APEH: variants seen among roughly 807,000 people sequenced by gnomAD.
The protein encoded by APEH is acylaminoacyl-peptide hydrolase.
APEH carries 75 observed loss-of-function variants against 102.7 expected under a neutral mutation model. The ratio of observed to expected loss-of-function variants is 0.73; its 90% CI spans 0.61 to 0.89. The LOEUF is 0.89. Ranked by LOEUF, APEH falls within the 40% of genes least tolerant of loss-of-function variation. The probability of loss-of-function intolerance (pLI) is 0.00; values close to 1 mark genes in which losing one functional copy is unlikely to be tolerated. For missense variants in APEH, 863 were observed against 941.2 expected (o/e 0.92, Z 1.09); for synonymous variants, 344 against 362.7 (o/e 0.95, Z 0.59).
At chr3:49,678,997 C>A in intron 12 of APEH, 48 bp downstream of exon 12, 1 of 1,525,388 alleles carries the variant, frequency 6.6e-7, no homozygotes, top group East Asian at 2.3e-5. Flanking sequence ...GGTCAACCCC[C>A]AGGAGCCCTG....
Position 49,676,889 on chromosome 3 carries a change from T to A in APEH, c.878-14T>A. 1 of 1,614,236 alleles carries A rather than the reference T, an allele frequency of 6.2e-7. No individual in the cohort carries two copies. Among genetic ancestry groups the A allele is most frequent in the Non-Finnish European group, 8.5e-7 (1 of 1,180,046 alleles). ...TGCCAGCCTGCGTGATGCTCATGTT[T>A]CCATCTGGCCCAGAGCTCCTCTCGG... On this transcript the variant is annotated splice_polypyrimidine_tract_variant and intron_variant, in intron 9 of 21. Transcript: ENST00000296456.
At chr3:49,681,359 G>A in intron 15 of APEH, 120 bp downstream of exon 15, 2 of 1,207,948 alleles carry the variant, frequency 1.7e-6, no homozygotes, top group South Asian at 1.9e-5. Context: ...CCTCTAAGAG[G>A]TTTTCTGTTC....
chr3:49,682,041 A>C (rs1575480282), intron 17 of APEH, 74 bp downstream of exon 17: 2 of 1,480,940 alleles, frequency 1.4e-6, no homozygotes, highest in Non-Finnish European at 1.9e-6. Flanking sequence ...TTGTATAAGT[A>C]CCATGGGTGC....
rs538789352 is a variant in APEH at position 49,679,669 on chromosome 3, G to T, written c.1210+25G>T. The stretch of plus-strand genomic sequence containing the variant: ...GGTGAGCAAGGCTTTGGGGATGGGG[G>T]TAAGGGCAGGGCTGGTGAGCAAGCC... On this transcript the variant is annotated intron_variant, in intron 13 of 21. Transcript: ENST00000296456. The surrounding 1 kb of genome is among the most constrained non-coding windows in gnomAD (Gnocchi z 4.3). The T allele has an allele frequency of 7.4e-6, 12 of 1,612,022 alleles. No homozygotes were observed. In the South Asian group the frequency reaches 8.8e-5, roughly 12 times the overall value.
At position 49,683,408 on chromosome 3, in the gene APEH, C is replaced by T. The variant is rs2053447991; in HGVS notation, c.*66C>T. ...CTTCGCTCTTGAGGAGCTCAACGGT[C>T]TGGCAGGGCAGCAGGAGGCTTTCTG... On this transcript the variant is annotated 3_prime_UTR_variant, in exon 22 of 22. Transcript: ENST00000296456. The T allele has an allele frequency of 3.5e-6, 5 of 1,426,894 alleles. No homozygotes were observed. The highest frequency in any genetic ancestry group is 4.9e-6 in the Non-Finnish European group (5 of 1,011,514). The allele number at this position is 1,426,894 out of a possible 1,614,324, so 88.4% of individuals were successfully genotyped here.
intron 18 of APEH, 21 bp from the exon 19 acceptor site, chr3:49,682,525 A>G (rs1253757340): frequency 6.2e-7 from 1 of 1,613,784 alleles, no homozygotes; most frequent in Non-Finnish European, 8.5e-7. Flanking sequence ...TGGCTGCAGC[A>G]TGCTTTGTCC....
rs533054211 is a variant in APEH at position 49,681,167 on chromosome 3, G to A, written c.1366G>A (p.Glu456Lys). The A allele has an allele frequency of 6.8e-6, 11 of 1,610,824 alleles. No individual in the cohort carries two copies. The highest frequency in any genetic ancestry group is 5.3e-5 in the African/African-American group (4 of 74,892). Residue 456 changes from glutamate to lysine, a missense_variant, in exon 15 of 22, where the codon GAG becomes AAG. Glu to Lys is a moderately conservative substitution (Grantham distance 56). Coordinates refer to ENST00000296456, the MANE Select transcript of APEH (RefSeq NM_001640.4). ...SVLWVSLEEA[E>K]PIPDIHWGIR... ...GTTGTGGGTGTCCCTGGAGGAGGCC[G>A]AGCCCATTCCCGACATCCACTGGGG...
upstream of APEH, chr3:49,674,030 A>C (rs1575461056): frequency 2.8e-6 from 1 of 358,400 alleles, no homozygotes; most frequent in South Asian, 3.9e-5. Flanking sequence ...AGGCCCTTCT[A>C]CCCTCCCCGA....
chr3:49,683,201 C>T (rs373525729), intron 21 of APEH, 36 bp from the exon 22 acceptor site: 15 of 1,609,706 alleles, frequency 9.3e-6, no homozygotes, highest in Admixed American at 3.3e-5. Flanking sequence ...ACAGGAGGAC[C>T]CTCCAACCTT....
rs1206441190 is a variant in APEH, at chr3:49,681,433, G to C, written c.1438+194G>C. 2.0e-5 allele frequency among the ~76,000 whole-genome samples: 3 copies of C among 152,220 alleles called. No individual in the cohort carries two copies. In the East Asian group the frequency reaches 5.8e-4, roughly 29 times the overall value. ...TGAGCGCCTGCTCTGGATATCACCT[G>C]GGCTTCACCAGGCCAAATCATCTGT... On this transcript the variant is annotated intron_variant, in intron 15 of 21. Coordinates refer to ENST00000296456, the MANE Select transcript of APEH (RefSeq NM_001640.4).
intron 11 of APEH, among the ~76,000 whole-genome samples, chr3:49,678,639 C>T (rs192487082): frequency 6.6e-6 from 1 of 151,986 alleles, no homozygotes; most frequent in East Asian, 1.9e-4. Context: ...CTCTCTGGGT[C>T]CTCTCTGGGT....
In APEH at chr3:49,679,353, G is replaced by T. The variant is rs887575727; in HGVS notation, c.1159-240G>T. Among the ~76,000 whole-genome samples, 15 of 152,308 alleles carry T rather than the reference G, an allele frequency of 9.8e-5. No individual in the cohort carries two copies. The highest frequency in any genetic ancestry group is 3.4e-3 in the Middle Eastern group (1 of 294). The stretch of plus-strand genomic sequence containing the variant: ...TATTTGGTCCTTGTGCCAACTCAAA[G>T]GGGCTCAAAGCCATTCCTTACCTTG... On this transcript the variant is annotated intron_variant, in intron 12 of 21. Transcript: ENST00000296456. This position sits in a 1 kb window ranked among gnomAD's most constrained non-coding sequence, Gnocchi z 4.3.
intron 14 of APEH, 114 bp downstream of exon 14, chr3:49,680,743 C>A: frequency 2.1e-6 from 2 of 953,802 alleles, no homozygotes; most frequent in Non-Finnish European, 3.2e-6. Flanking sequence ...ACAGACGGGC[C>A]AAGACACAGG....
Position 49,674,601 on chromosome 3 carries a change from A to T in APEH, c.125A>T (p.Gln42Leu). The T allele has an allele frequency of 1.9e-6, 3 of 1,584,084 alleles. No individual in the cohort carries two copies. The highest frequency in any genetic ancestry group is 1.7e-6 in the Non-Finnish European group (2 of 1,174,562). The stretch of plus-strand genomic sequence containing the variant: ...GAGGTCACCACGCAGTACGGCGGCC[A>T]ATACCGGACGGTGCACACTGGTGTG... Reference protein sequence around the residue: ...GPEVTTQYGGQYRTVHTEWTQ... With the variant: ...GPEVTTQYGGLYRTVHTEWTQ... The change falls in exon 2 of 22, where the codon CAA (glutamine) becomes CTA (leucine). Residue 42 changes from glutamine to leucine, a missense_variant. Coordinates refer to ENST00000296456, the MANE Select transcript of APEH (RefSeq NM_001640.4).
chr3:49,681,071 CACCTATG>C (rs2053296272), intron 14 of APEH, 23 bp from the exon 15 acceptor site: 2 of 1,535,392 alleles, frequency 1.3e-6, no homozygotes, highest in Non-Finnish European at 1.8e-6. Flanking sequence ...GCAGCCAGGC[CACCTATG>C]ACACATTCTT....
chr3:49,676,235 C>T lies in APEH; in HGVS notation c.606+16C>T, dbSNP rs1245044042. 1 of 1,612,880 alleles carries T rather than the reference C, an allele frequency of 6.2e-7. No homozygotes were observed. Among genetic ancestry groups the T allele is most frequent in the Non-Finnish European group, 8.5e-7 (1 of 1,179,322 alleles). ...AGCCATCAAGGTGCTCGTGGTCAAT[C>T]CACGAAGGCCCGGCAGGGCAGCCCT... On this transcript the variant is annotated intron_variant, in intron 6 of 21. Transcript: ENST00000296456.
At chr3:49,682,294 G>T in intron 17 of APEH, 54 bp from the exon 18 acceptor site, 1 of 1,510,276 alleles carries the variant, frequency 6.6e-7, no homozygotes, top group East Asian at 2.3e-5. Context: ...AAAGAGCGTC[G>T]AGGGGGCTGG....
At chr3:49,682,196 G>T in intron 17 of APEH, 152 bp from the exon 18 acceptor site, 1 of 903,632 alleles carries the variant, frequency 1.1e-6, no homozygotes. Context: ...TCACTGGGTG[G>T]CAGCCTCAAA....
chr3:49,683,428 T>C lies in APEH; in HGVS notation c.*86T>C, dbSNP rs2053448478. Reference sequence around the variant, plus strand: ...ACGGTCTGGCAGGGCAGCAGGAGGCTTTCTGGGCTCTGGACTCCACGGATG... The same window carrying C: ...ACGGTCTGGCAGGGCAGCAGGAGGCCTTCTGGGCTCTGGACTCCACGGATG... On this transcript the variant is annotated 3_prime_UTR_variant, in exon 22 of 22. Transcript: ENST00000296456. 5 of 1,224,560 alleles carry C rather than the reference T, an allele frequency of 4.1e-6. No individual in the cohort carries two copies. In the East Asian group the frequency reaches 1.2e-4, roughly 29 times the overall value. The allele number at this position is 1,224,560 out of a possible 1,614,324, so 75.9% of individuals were successfully genotyped here. A position where few individuals can be genotyped will look rare whatever the true frequency, so the allele number is the denominator to read the frequency against.
Sources: gnomAD v4.1 joint callset for allele counts (sites outside exome capture counted in the v4.1 genomes callset) on GRCh38, gnomAD v4.1.1 for gene constraint, Gnocchi (gnomAD v3.1) non-coding constraint, MANE v1.5 for transcripts, NCBI Gene and HGNC (gene_info 2026-07-23, HGNC 2026-07-21) for gene names.